CAND1: variants seen among roughly 807,000 people sequenced by gnomAD.
The protein encoded by CAND1 is cullin associated and neddylation dissociated 1.
Under a neutral mutation model 108.5 loss-of-function variants are expected in CAND1, and 7 were observed. The ratio of observed to expected loss-of-function variants is 0.06; its 90% CI spans 0.04 to 0.12. The LOEUF (loss-of-function observed/expected upper bound fraction) is 0.12, where lower values mean the gene tolerates loss of function less well. Ranked by LOEUF, CAND1 falls within the 10% of genes least tolerant of loss-of-function variation. The pLI is 1.00. For synonymous variants in CAND1, 534 were observed against 512.0 expected, an observed-to-expected ratio of 1.04 and a Z score of -0.58; for missense variants, 941 against 1,448.7, an observed-to-expected ratio of 0.65 and a Z score of 5.69.
chr12:67,285,801 C>G (rs1482807388), intron 2 of CAND1, among the ~76,000 whole-genome samples: 1 of 152,294 alleles, frequency 6.6e-6, no homozygotes, highest in Non-Finnish European at 1.5e-5. Flanking sequence ...GTTCCTGTGT[C>G]TGGCTATTTT....
chr12:67,286,216 T>A (rs1428511041), intron 2 of CAND1, among the ~76,000 whole-genome samples: 1 of 152,146 alleles, frequency 6.6e-6, no homozygotes, highest in Non-Finnish European at 1.5e-5. Flanking sequence ...TTCACCATGT[T>A]AGCCAGGATG....
intron 2 of CAND1, among the ~76,000 whole-genome samples, chr12:67,283,221 T>C (rs1160981791): frequency 1.3e-5 from 2 of 152,184 alleles, no homozygotes; most frequent in African/African-American, 4.8e-5. Context: ...AGCATAGAAT[T>C]TCCAGACATG....
Position 67,308,021 on chromosome 12 carries a change from C to G in CAND1, c.3025+529C>G, listed in dbSNP as rs78938778. ...TAACCCAAGAAAAACTAGGGCTTCT[C>G]TATTTCTGTGAAGACAAGAATTAGC... is the stretch of plus-strand genomic sequence containing the variant. On this transcript the variant is annotated intron_variant, in intron 11 of 14. Coordinates refer to ENST00000545606, the MANE Select transcript of CAND1 (RefSeq NM_018448.5). Among the ~76,000 whole-genome samples the G allele has an allele frequency of 3.8e-3, 581 of 152,126 alleles. 1 individual carries two copies. The highest frequency in any genetic ancestry group is 0.014 in the African/African-American group (565 of 41,538).
intron 2 of CAND1, among the ~76,000 whole-genome samples, chr12:67,289,026 C>T (rs887767315): frequency 6.6e-6 from 1 of 152,006 alleles, no homozygotes; most frequent in Non-Finnish European, 1.5e-5. Flanking sequence ...ATAGCCACTC[C>T]CGTTTATTTC....
At position 67,319,752 on chromosome 12, in the gene CAND1, T is replaced by C. The variant is rs1364995566; in HGVS notation, c.*6922T>C. 1 of 152,226 alleles carries C rather than the reference T, an allele frequency of 6.6e-6. No individual in the cohort carries two copies. Among genetic ancestry groups the C allele is most frequent in the Non-Finnish European group, 1.5e-5 (1 of 68,052 alleles). 9.4% of individuals were successfully genotyped at this position (152,226 alleles called of 1,614,324 possible). ...TCAGCTTGGAGTCACTTGTCTGGAC[T>C]AAAAGTAACCCCTCCTTGTCTGGTT... On this transcript the variant is annotated 3_prime_UTR_variant, in exon 15 of 15. Coordinates refer to ENST00000545606, the MANE Select transcript of CAND1 (RefSeq NM_018448.5).
intron 2 of CAND1, among the ~76,000 whole-genome samples, chr12:67,287,387 T>C (rs887939878): frequency 6.6e-6 from 1 of 152,228 alleles, no homozygotes; most frequent in South Asian, 2.1e-4. Flanking sequence ...ATAAGCTTGC[T>C]TGAATTTTGA....
intron 8 of CAND1, among the ~76,000 whole-genome samples, chr12:67,303,972 T>C (rs539359299): frequency 2.0e-5 from 3 of 152,060 alleles, no homozygotes; most frequent in African/African-American, 7.2e-5. Flanking sequence ...AAATATGATT[T>C]GATTAATTTC....
At chr12:67,309,797 A>G (rs150668777) in intron 11 of CAND1, 104 bp from the exon 12 acceptor site, 14,870 of 798,342 alleles carry the variant, frequency 0.019, 197 homozygotes, top group Middle Eastern at 0.038. Context: ...AAGAAATAAC[A>G]ATGACACCAG....
intron 7 of CAND1, among the ~76,000 whole-genome samples, chr12:67,300,121 A>G (rs1377075320): frequency 6.6e-6 from 1 of 152,086 alleles, no homozygotes; most frequent in Non-Finnish European, 1.5e-5. Context: ...TGCCTATCGT[A>G]TTACTCAGTC....
At chr12:67,289,295 C>T (rs2044700747) in intron 2 of CAND1, among the ~76,000 whole-genome samples, 1 of 152,074 alleles carries the variant, frequency 6.6e-6, no homozygotes, top group Non-Finnish European at 1.5e-5. Flanking sequence ...CTCAGCTAAC[C>T]ACAACCTGCG....
chr12:67,304,502 A>G, intron 8 of CAND1, 103 bp from the exon 9 acceptor site: 2 of 1,257,702 alleles, frequency 1.6e-6, no homozygotes. Context: ...TTTAACAAAA[A>G]AAGATAAACT....
At chr12:67,308,968 C>T (rs2044920037) in intron 11 of CAND1, among the ~76,000 whole-genome samples, 1 of 151,870 alleles carries the variant, frequency 6.6e-6, no homozygotes, top group Non-Finnish European at 1.5e-5. Context: ...CTACATTTCC[C>T]TGTGTATTCT....
At chr12:67,281,216 A>G (rs758021376) in intron 1 of CAND1, among the ~76,000 whole-genome samples, 4 of 152,020 alleles carry the variant, frequency 2.6e-5, no homozygotes, top group South Asian at 2.1e-4. Context: ...TGTAATCCCA[A>G]CTACTTGAGA....
Position 67,289,432 on chromosome 12 carries a change from A to G in CAND1, c.213-3190A>G, listed in dbSNP as rs534586175. 9.1e-4 allele frequency among the ~76,000 whole-genome samples: 139 copies of G among 152,220 alleles called. 1 individual carries two copies. The Middle Eastern group carries it at 0.02, about 22-fold the overall frequency. On this transcript the variant is annotated intron_variant, in intron 2 of 14. Coordinates refer to ENST00000545606, the MANE Select transcript of CAND1 (RefSeq NM_018448.5). ...AAGGCAGGGTCTCAACCTGTCACCC[A>G]GGTGAGGGTGCAGTGGTGTGATCAT...
At chr12:67,273,525 C>T (rs551313577) in intron 1 of CAND1, among the ~76,000 whole-genome samples, 220 of 147,510 alleles carry the variant, frequency 1.5e-3, no homozygotes, top group Middle Eastern at 3.6e-3. Context: ...CTGTCACCCA[C>T]GCTGGAGTGC....
chr12:67,272,250 A>G (rs556199898), intron 1 of CAND1, among the ~76,000 whole-genome samples: 3 of 152,370 alleles, frequency 2.0e-5, no homozygotes, highest in South Asian at 4.1e-4. Flanking sequence ...GGTAGAATCC[A>G]AAGAGAATTT....
Position 67,310,047 on chromosome 12 carries a change from G to A in CAND1, c.3172G>A (p.Val1058Ile). 6.2e-7 allele frequency: 1 copy of A among 1,611,660 alleles called. No homozygotes were observed. ...VLPHLYNETK[V>I]RKELIREVEM... ...TCCACATCTTTACAATGAAACAAAAGTTAGAAAGGAGCTTATAAGAGAGGT... is the reference window on the plus strand; with the variant it reads ...TCCACATCTTTACAATGAAACAAAAATTAGAAAGGAGCTTATAAGAGAGGT... The change falls in exon 12 of 15, where the codon GTT (valine) becomes ATT (isoleucine). Residue 1058 changes from valine to isoleucine, a missense_variant. Around this residue, in one of 9 missense-constraint regions of CAND1, gnomAD observed 106 missense variants for 182.0 expected, o/e 0.58. Transcript: ENST00000545606.
In CAND1 at chr12:67,317,627, C is replaced by G. The variant is rs936711700; in HGVS notation, c.*4797C>G. On this transcript the variant is annotated 3_prime_UTR_variant, in exon 15 of 15. Transcript: ENST00000545606. ...CCTCCCAAGTAGCTGTGATTACAGG[C>G]GTGTGCCACCATGCCCAGCTAATTT... The G allele has an allele frequency of 6.6e-6, 1 of 151,824 alleles. No homozygotes were observed. The highest frequency in any genetic ancestry group is 1.5e-5 in the Non-Finnish European group (1 of 68,066). 9.4% of individuals were successfully genotyped at this position (151,824 alleles called of 1,614,324 possible).
Position 67,306,119 on chromosome 12 carries a change from A to G in CAND1, c.2451A>G (p.Val817=). The part of the protein sequence containing the change: ...TRACPKEGPA[V]VGQFIQDVKN... ...CATGCCCTAAAGAGGGACCAGCTGTAGTAGGTCAGTTTATTCAAGATGTCA... is the reference window on the plus strand; with the variant it reads ...CATGCCCTAAAGAGGGACCAGCTGTGGTAGGTCAGTTTATTCAAGATGTCA... Residue 817 remains valine, a synonymous_variant, in exon 10 of 15, where the codon GTA becomes GTG. Coordinates refer to ENST00000545606, the MANE Select transcript of CAND1 (RefSeq NM_018448.5). 1.9e-6 allele frequency: 3 copies of G among 1,614,128 alleles called. No homozygotes were observed. Among genetic ancestry groups the G allele is most frequent in the Non-Finnish European group, 2.5e-6 (3 of 1,179,994 alleles).
Sources: gnomAD v4.1 joint callset for allele counts (sites outside exome capture counted in the v4.1 genomes callset) on GRCh38, gnomAD v4.1.1 for gene constraint, gnomAD v4.1.1 regional missense constraint, MANE v1.5 for transcripts, NCBI Gene and HGNC (gene_info 2026-07-23, HGNC 2026-07-21) for gene names.